Variants in OSMR observed in about 807,000 individuals in gnomAD.
The protein encoded by OSMR is oncostatin M receptor, also known as oncostatin-M-specific receptor subunit beta.
Under a neutral mutation model 99.9 loss-of-function variants are expected in OSMR, and 81 were observed. The ratio of observed to expected loss-of-function variants is 0.81; its 90% CI spans 0.68 to 0.97. The LOEUF (loss-of-function observed/expected upper bound fraction) is 0.97, where lower values mean the gene tolerates loss of function less well. Ranked by LOEUF, OSMR falls within the 50% of genes least tolerant of loss-of-function variation. The pLI, the probability that OSMR is intolerant of heterozygous loss-of-function variation, is 0.00. For missense variants in OSMR, 1,099 were observed against 1,153.4 expected (o/e 0.95, Z 0.68); for synonymous variants, 406 against 410.4 (o/e 0.99, Z 0.13).
chr5:38,901,067 A>C (rs1398983082), intron 7 of OSMR, among the ~76,000 whole-genome samples: 1 of 152,210 alleles, frequency 6.6e-6, no homozygotes, highest in African/African-American at 2.4e-5. Context: ...TGAGTCTGTG[A>C]AAATACAGCA....
At chr5:38,906,901 T>TA (rs1460694869) in intron 9 of OSMR, among the ~76,000 whole-genome samples, 1 of 152,224 alleles carries the variant, frequency 6.6e-6, no homozygotes, top group South Asian at 2.1e-4. Context: ...AGTTATTTTT[T>TA]AATATTTGAA....
At chr5:38,862,182 GTA>G (rs1741449517) in intron 1 of OSMR, among the ~76,000 whole-genome samples, 1 of 131,430 alleles carries the variant, frequency 7.6e-6, no homozygotes, top group African/African-American at 2.9e-5. Flanking sequence ...TCACTTCCCA[GTA>G]GGGGCGGCCG....
At chr5:38,886,308 A>G in intron 7 of OSMR, 118 bp downstream of exon 7, 1 of 1,576,826 alleles carries the variant, frequency 6.3e-7, no homozygotes, top group Non-Finnish European at 8.6e-7. Context: ...GGTGAGAGTT[A>G]GAATTTATAC....
At chr5:38,882,132 A>G (rs1247379130) in intron 4 of OSMR, among the ~76,000 whole-genome samples, 1 of 152,206 alleles carries the variant, frequency 6.6e-6, no homozygotes, top group Non-Finnish European at 1.5e-5. Context: ...GGTTGGGAAC[A>G]TTTTTCTGTG....
At chr5:38,907,092 G>A (rs114234721) in intron 9 of OSMR, among the ~76,000 whole-genome samples, 2,644 of 152,258 alleles carry the variant, frequency 0.017, 24 homozygotes, top group Non-Finnish European at 0.026. Context: ...AGGAAAAGAA[G>A]TCAAACTCTC....
At chr5:38,923,422 A>C (rs181630299) in intron 13 of OSMR, among the ~76,000 whole-genome samples, 168 bp downstream of exon 13, 90 of 152,222 alleles carry the variant, frequency 5.9e-4, no homozygotes, top group African/African-American at 2.1e-3. Flanking sequence ...CAAACAAAAC[A>C]TTTTCATTAA....
intron 1 of OSMR, among the ~76,000 whole-genome samples, chr5:38,854,672 C>T (rs1379174783): frequency 6.6e-6 from 1 of 152,026 alleles, no homozygotes; most frequent in Admixed American, 6.6e-5. Context: ...AAAATTAGTA[C>T]CCATTTTTAT....
At position 38,884,072 on chromosome 5, in the gene OSMR, G is replaced by A; in HGVS notation, c.664G>A (p.Val222Ile). 1 of 1,614,088 alleles carries A rather than the reference G, an allele frequency of 6.2e-7. No homozygotes were observed. Among genetic ancestry groups the A allele is most frequent in the South Asian group, 1.1e-5 (1 of 91,076 alleles). Residue 222 changes from valine (V) to isoleucine (I), a missense_variant, in exon 5 of 18, where the codon GTC (valine) becomes ATC (isoleucine). Transcript: ENST00000274276. ...NIYCEASQGNVSEGMKGIVLF... is the reference protein window; with the variant it reads ...NIYCEASQGNISEGMKGIVLF... Reference sequence around the variant, plus strand: ...CTATTGTGAGGCAAGTCAAGGAAATGTCAGTGAAGGCATGAAAGGCATCGT... The same window carrying A: ...CTATTGTGAGGCAAGTCAAGGAAATATCAGTGAAGGCATGAAAGGCATCGT...
chr5:38,916,905 GAC>G (rs1745929479), intron 9 of OSMR, among the ~76,000 whole-genome samples: 1 of 152,120 alleles, frequency 6.6e-6, no homozygotes, highest in Non-Finnish European at 1.5e-5. Flanking sequence ...ATGGTTTATT[GAC>G]AGAGAGACAA....
intron 9 of OSMR, among the ~76,000 whole-genome samples, chr5:38,915,498 A>G (rs904869076): frequency 1.3e-5 from 2 of 152,216 alleles, no homozygotes; most frequent in African/African-American, 4.8e-5. Context: ...TGGATTTTAT[A>G]TCATTACTCT....
chr5:38,870,816 G>A (rs1209543051), intron 2 of OSMR, among the ~76,000 whole-genome samples: 1 of 152,144 alleles, frequency 6.6e-6, no homozygotes, highest in Non-Finnish European at 1.5e-5. Flanking sequence ...ATCTTCATGG[G>A]CAGAAATAGG....
At chr5:38,884,403 A>G in intron 5 of OSMR, among the ~76,000 whole-genome samples, 1 of 152,036 alleles carries the variant, frequency 6.6e-6, no homozygotes, top group East Asian at 1.9e-4. Flanking sequence ...TTGCCCAGCC[A>G]TGCTGGAATT....
downstream of OSMR, among the ~76,000 whole-genome samples, chr5:38,935,869 G>GTCT (rs1182343681): frequency 1.3e-5 from 2 of 152,272 alleles, no homozygotes; most frequent in African/African-American, 4.8e-5. Flanking sequence ...ATCAAATGAA[G>GTCT]TCTTTCTGAA....
intron 1 of OSMR, among the ~76,000 whole-genome samples, chr5:38,856,269 G>A (rs955295875): frequency 1.3e-5 from 2 of 152,284 alleles, no homozygotes; most frequent in Admixed American, 6.5e-5. Context: ...TTATCAAAGA[G>A]GCTCCACAGT....
chr5:38,849,630 A>AT (rs948286844), intron 1 of OSMR, among the ~76,000 whole-genome samples: 5 of 152,158 alleles, frequency 3.3e-5, no homozygotes, highest in South Asian at 2.1e-4. Flanking sequence ...ATAAAATCCT[A>AT]TTTTTAATTA....
chr5:38,868,714 A>G (rs1020563629), intron 1 of OSMR, among the ~76,000 whole-genome samples: 6 of 152,224 alleles, frequency 3.9e-5, no homozygotes, highest in African/African-American at 1.2e-4. Context: ...AAACTGACTA[A>G]TATAGTAGGG....
rs142689203 is a variant in OSMR at position 38,892,628 on chromosome 5, G to A, written c.991+6438G>A. On this transcript the variant is annotated intron_variant, in intron 7 of 17. Coordinates refer to ENST00000274276, the MANE Select transcript of OSMR (RefSeq NM_003999.3). ...CAAGAAGTAGCAGTACTGCCACATC[G>A]GAGAACAGACAAGCCATAAAGCTAT... 2.3e-4 allele frequency among the ~76,000 whole-genome samples: 35 copies of A among 152,206 alleles called. No homozygotes were observed. The East Asian group carries it at 3.9e-3, about 17-fold the overall frequency.
rs1294581300 is a variant in OSMR at position 38,883,950 on chromosome 5, T to G, written c.542T>G (p.Leu181Trp). ...RNIQNNVSCY[L>W]EGKQIHGEQL... The stretch of plus-strand genomic sequence containing the variant: ...ATTCAAAATAATGTATCCTGTTATT[T>G]GGAAGGGAAACAGATTCATGGAGAA... The change falls in exon 5 of 18, where the codon TTG becomes TGG. Residue 181 changes from leucine (L) to tryptophan (W), a missense_variant. Leu to Trp is a moderately conservative substitution (Grantham distance 61). Transcript: ENST00000274276. The G allele has an allele frequency of 1.2e-6, 2 of 1,613,938 alleles. No individual in the cohort carries two copies. Among genetic ancestry groups the G allele is most frequent in the Non-Finnish European group, 1.7e-6 (2 of 1,179,910 alleles).
At chr5:38,874,024 GT>G (rs1742610983) in intron 2 of OSMR, among the ~76,000 whole-genome samples, 1 of 151,984 alleles carries the variant, frequency 6.6e-6, no homozygotes, top group Admixed American at 6.6e-5. Flanking sequence ...TAGAGACAGG[GT>G]TTTTCCATGT....
Sources: allele counts gnomAD v4.1 joint callset (sites outside exome capture counted in the v4.1 genomes callset), GRCh38; gene constraint gnomAD v4.1.1; transcripts MANE v1.5; gene names NCBI Gene and HGNC (gene_info 2026-07-23, HGNC 2026-07-21).